Variants in CDH18 observed in about 807,000 individuals in gnomAD.
The protein encoded by CDH18 is cadherin-18.
A neutral mutation model predicts 67.9 loss-of-function variants in CDH18; 31 were observed. The ratio of observed to expected loss-of-function variants is 0.46; its 90% CI spans 0.34 to 0.62. The LOEUF is 0.62. Ranked by LOEUF, CDH18 falls within the 20% of genes least tolerant of loss-of-function variation. The probability of loss-of-function intolerance (pLI) is 0.01; values close to 1 mark genes in which losing one functional copy is unlikely to be tolerated. For synonymous variants in CDH18, 362 were observed against 347.2 expected, an observed-to-expected ratio of 1.04 and a Z score of -0.48; for missense variants, 890 against 975.5, an observed-to-expected ratio of 0.91 and a Z score of 1.17.
intron 2 of CDH18, among the ~76,000 whole-genome samples, chr5:20,063,238 T>C (rs1183753379): frequency 6.6e-6 from 1 of 151,506 alleles, no homozygotes; most frequent in Non-Finnish European, 1.5e-5. Context: ...ATCCATACAA[T>C]TACCACAGAA....
chr5:20,108,794 G>T (rs1462567387), intron 2 of CDH18, among the ~76,000 whole-genome samples: 1 of 152,090 alleles, frequency 6.6e-6, no homozygotes, highest in Admixed American at 6.5e-5. Flanking sequence ...TGACAGTAAG[G>T]TGTGTTTTCT....
chr5:20,397,219 C>T (rs1054157156), intron 1 of CDH18, among the ~76,000 whole-genome samples: 9 of 152,060 alleles, frequency 5.9e-5, no homozygotes, highest in African/African-American at 2.2e-4. Flanking sequence ...CAACATCCGC[C>T]TCCTGGGTTC....
At chr5:20,047,448 T>C (rs1474563738) in intron 2 of CDH18, among the ~76,000 whole-genome samples, 1 of 151,884 alleles carries the variant, frequency 6.6e-6, no homozygotes, top group Admixed American at 6.6e-5. Flanking sequence ...TAGAAATGCT[T>C]AGGGAATCTT....
chr5:19,796,585 T>C (rs1469821781), intron 3 of CDH18, among the ~76,000 whole-genome samples: 1 of 152,084 alleles, frequency 6.6e-6, no homozygotes, highest in Admixed American at 6.6e-5. Flanking sequence ...AAGGGAGTTC[T>C]TCAAATAGAA....
chr5:20,443,835 A>G (rs1239167673), intron 1 of CDH18, among the ~76,000 whole-genome samples: 2 of 151,898 alleles, frequency 1.3e-5, no homozygotes, highest in Non-Finnish European at 2.9e-5. Flanking sequence ...TATCTCTATC[A>G]TTCTCAATAT....
At chr5:20,116,629 A>G (rs1747936985) in intron 2 of CDH18, among the ~76,000 whole-genome samples, 1 of 152,212 alleles carries the variant, frequency 6.6e-6, no homozygotes, top group Admixed American at 6.5e-5. Flanking sequence ...CAATCTTATC[A>G]TTCCAATTTA....
chr5:19,665,778 C>G (rs1418356570), intron 5 of CDH18, among the ~76,000 whole-genome samples: 1 of 151,862 alleles, frequency 6.6e-6, no homozygotes, highest in African/African-American at 2.4e-5. Context: ...TGTGTTGTTA[C>G]AATGGGAAGA....
At chr5:20,408,882 A>G (rs974301984) in intron 1 of CDH18, among the ~76,000 whole-genome samples, 12 of 151,858 alleles carry the variant, frequency 7.9e-5, no homozygotes, top group African/African-American at 2.9e-4. Context: ...AAAATATTTT[A>G]CACAAATAGT....
chr5:20,394,357 A>G (rs905191511), intron 1 of CDH18, among the ~76,000 whole-genome samples: 1 of 152,114 alleles, frequency 6.6e-6, no homozygotes, highest in Non-Finnish European at 1.5e-5. Context: ...GGATAGTCAC[A>G]TGTAGAAGAA....
intron 1 of CDH18, among the ~76,000 whole-genome samples, chr5:20,407,709 AG>A (rs1199579768): frequency 1.6e-5 from 2 of 125,828 alleles, no homozygotes; most frequent in Non-Finnish European, 3.6e-5. Flanking sequence ...CAGTCAGAAA[AG>A]AAAAAAAAAT....
At chr5:19,804,075 T>C (rs1219475224) in intron 3 of CDH18, 5 of 132,978 alleles carry the variant, frequency 3.8e-5, no homozygotes, top group South Asian at 2.4e-4. Context: ...GAGCGGAGAT[T>C]ACGCCACTGC....
intron 1 of CDH18, among the ~76,000 whole-genome samples, chr5:20,449,360 CAT>C (rs1750252988): frequency 6.6e-6 from 1 of 151,910 alleles, no homozygotes; most frequent in South Asian, 2.1e-4. Context: ...AAAAAGAAAA[CAT>C]ATTAATTATA....
chr5:19,848,565 C>G (rs1581630895), intron 2 of CDH18, among the ~76,000 whole-genome samples: 1 of 152,066 alleles, frequency 6.6e-6, no homozygotes, highest in East Asian at 1.9e-4. Context: ...GTTAATATAA[C>G]TCAGGATAAT....
At chr5:20,165,278 G>A (rs1193312954) in intron 2 of CDH18, among the ~76,000 whole-genome samples, 1 of 151,890 alleles carries the variant, frequency 6.6e-6, no homozygotes, top group Non-Finnish European at 1.5e-5. Context: ...TAGTATATAT[G>A]TTGATTGTTA....
chr5:20,357,377 A>G (rs960989455), intron 1 of CDH18, among the ~76,000 whole-genome samples: 1 of 152,182 alleles, frequency 6.6e-6, no homozygotes, highest in Non-Finnish European at 1.5e-5. Flanking sequence ...ACAAATCAAC[A>G]CACACATAAG....
intron 9 of CDH18, among the ~76,000 whole-genome samples, chr5:19,537,580 A>T (rs1749623373): frequency 6.6e-6 from 1 of 151,980 alleles, no homozygotes; most frequent in Non-Finnish European, 1.5e-5. Flanking sequence ...ACCTTTACTC[A>T]TCCCTCACCT....
At chr5:19,808,832 CAAAAAAAAAAA>C (rs1173922790) in intron 3 of CDH18, among the ~76,000 whole-genome samples, 1 of 53,936 alleles carries the variant, frequency 1.9e-5, no homozygotes, top group Non-Finnish European at 3.2e-5. Flanking sequence ...AACTCTGTCT[CAAAAAAAAAAA>C]AAAAAAAAAA....
chr5:20,156,338 A>G (rs1394689840), intron 2 of CDH18, among the ~76,000 whole-genome samples: 1 of 152,172 alleles, frequency 6.6e-6, no homozygotes, highest in Non-Finnish European at 1.5e-5. Flanking sequence ...TAAGTGTCCA[A>G]CAACTGATGA....
chr5:19,523,390 A>G (rs1747234918), intron 9 of CDH18, among the ~76,000 whole-genome samples: 3 of 152,146 alleles, frequency 2.0e-5, no homozygotes. Flanking sequence ...TATCATGAAG[A>G]GGAAAAAAAT....
Sources: allele counts gnomAD v4.1 joint callset (sites outside exome capture counted in the v4.1 genomes callset), GRCh38; gene constraint gnomAD v4.1.1; transcripts MANE v1.5; gene names NCBI Gene and HGNC (gene_info 2026-07-23, HGNC 2026-07-21).